The following PTAFR variants were observed in gnomAD, a reference collection of about 807,000 sequenced individuals.
The protein encoded by PTAFR is platelet-activating factor receptor.
A neutral mutation model predicts 14.7 loss-of-function variants in PTAFR; 8 were observed. The ratio of observed to expected loss-of-function variants is 0.54; its 90% CI spans 0.32 to 0.98. The LOEUF is 0.98. Ranked by LOEUF, PTAFR falls within the 50% of genes least tolerant of loss-of-function variation. PTAFR has a pLI of 0.04. For synonymous variants in PTAFR, 156 were observed against 176.5 expected (o/e 0.88, Z 0.92); for missense variants, 337 against 451.2 (o/e 0.75, Z 2.29).
At chr1:28,180,052 T>C (rs1159320612), upstream of PTAFR, among the ~76,000 whole-genome samples, 1 of 152,136 alleles carries the variant, frequency 6.6e-6, no homozygotes, top group African/African-American at 2.4e-5. Flanking sequence ...CTCATGCCTG[T>C]AATCCCAACA....
rs538729535 is a variant in PTAFR at position 28,192,706 on chromosome 1, G to A, written c.-39+1016C>T. Among the ~76,000 whole-genome samples the A allele has an allele frequency of 6.6e-5, 10 of 151,854 alleles. No individual in the cohort carries two copies. In the East Asian group the frequency reaches 1.7e-3, roughly 27 times the overall value. On this transcript the variant is annotated intron_variant, in intron 1 of 1. Coordinates refer to the PTAFR transcript ENST00000305392. ...TCTGTGCCCAGGCTGGAGTGCAGTG[G>A]TGGGATCTCAGCTCACCGTAACCTC...
chr1:28,149,525 G>C lies in PTAFR; in HGVS notation c.*468C>G, dbSNP rs575149758. ...ATTTTTGTATGTTTTAGTAGAGATG[G>C]GGTTTTACAATGTTGGCCAGGATGG... On this transcript the variant is annotated 3_prime_UTR_variant, in exon 2 of 2. Transcript: ENST00000373857. 14 of 161,376 alleles carry C rather than the reference G, an allele frequency of 8.7e-5. No homozygotes were observed. Among genetic ancestry groups the C allele is most frequent in the African/African-American group, 2.9e-4 (12 of 41,520 alleles). The allele number at this position is 161,376 out of a possible 1,614,324, so 10.0% of individuals were successfully genotyped here. A position where few individuals can be genotyped will look rare whatever the true frequency, so the allele number is the denominator to read the frequency against.
chr1:28,159,020 C>T (rs1403814292), intron 1 of PTAFR, among the ~76,000 whole-genome samples: 2 of 152,108 alleles, frequency 1.3e-5, no homozygotes, highest in Non-Finnish European at 2.9e-5. Flanking sequence ...AATTTGGTAA[C>T]GGATGGGATA....
chr1:28,186,439 C>G (rs1423020673), intron 1 of PTAFR, among the ~76,000 whole-genome samples: 1 of 152,084 alleles, frequency 6.6e-6, no homozygotes, highest in Non-Finnish European at 1.5e-5. Flanking sequence ...AAATTCAGAA[C>G]CAGTACAATC....
At chr1:28,186,166 G>C (rs1646604618) in intron 1 of PTAFR, among the ~76,000 whole-genome samples, 1 of 151,990 alleles carries the variant, frequency 6.6e-6, no homozygotes, top group African/African-American at 2.4e-5. Flanking sequence ...GTTTTGTTTA[G>C]TAGAGACAGG....
rs141522388 is a variant in PTAFR at position 28,163,443 on chromosome 1, G to A, written c.-38-12384C>T. Among the ~76,000 whole-genome samples the A allele has an allele frequency of 1.9e-3, 287 of 152,174 alleles. 1 individual carries two copies. The highest frequency in any genetic ancestry group is 6.6e-3 in the African/African-American group (275 of 41,494). ...CCCTGATGATGGCTCCGAAATCCCC[G>A]GCACAAAGGAAGTGTGCACAGTCTC... On this transcript the variant is annotated intron_variant, in intron 1 of 1. Transcript: ENST00000373857.
At chr1:28,185,140 C>T (rs758680161) in intron 1 of PTAFR, among the ~76,000 whole-genome samples, 1 of 152,166 alleles carries the variant, frequency 6.6e-6, no homozygotes, top group Non-Finnish European at 1.5e-5. Context: ...TCTAATACAA[C>T]ATGTATTTTA....
chr1:28,168,546 A>AT (rs1179939783), intron 1 of PTAFR, among the ~76,000 whole-genome samples: 1 of 152,216 alleles, frequency 6.6e-6, no homozygotes, highest in Non-Finnish European at 1.5e-5. Context: ...TATATGAGAC[A>AT]TTTAAAGTAA....
At chr1:28,187,990 C>CA (rs1383831697) in intron 1 of PTAFR, among the ~76,000 whole-genome samples, 1 of 148,316 alleles carries the variant, frequency 6.7e-6, no homozygotes, top group Non-Finnish European at 1.5e-5. Flanking sequence ...CCAGCCTGGG[C>CA]AACATAGCAA....
At chr1:28,151,955 C>T (rs1192950578) in intron 1 of PTAFR, among the ~76,000 whole-genome samples, 2 of 152,032 alleles carry the variant, frequency 1.3e-5, no homozygotes, top group African/African-American at 4.8e-5. Flanking sequence ...TGCAGTGGTG[C>T]GATCACAGCT....
chr1:28,185,043 T>C (rs1646595166), intron 1 of PTAFR, among the ~76,000 whole-genome samples: 1 of 152,188 alleles, frequency 6.6e-6, no homozygotes, highest in Non-Finnish European at 1.5e-5. Flanking sequence ...AGTGGGGCCT[T>C]TCCTGACCAC....
rs1169653900 is a variant in PTAFR at position 28,160,864 on chromosome 1, T to C, written c.-38-9805A>G. On this transcript the variant is annotated intron_variant, in intron 1 of 1. Transcript: ENST00000373857. ...CTCTTCCTACTTCTGCTGCCTTCTG[T>C]TCAATCCCAGGCTCCTGGCCCCCAT... Among the ~76,000 whole-genome samples the C allele has an allele frequency of 2.0e-5, 3 of 152,122 alleles. No homozygotes were observed. In the East Asian group the frequency reaches 5.8e-4, roughly 29 times the overall value.
chr1:28,154,071 C>A (rs181333382), intron 1 of PTAFR, among the ~76,000 whole-genome samples: 135 of 114,184 alleles, frequency 1.2e-3, no homozygotes, highest in Admixed American at 3.1e-3. Flanking sequence ...TGGGATGAGA[C>A]CTTGTCTCAG....
chr1:28,154,409 T>C (rs1363687842), intron 1 of PTAFR, among the ~76,000 whole-genome samples: 3 of 152,014 alleles, frequency 2.0e-5, no homozygotes, highest in Non-Finnish European at 4.4e-5. Context: ...GCACAGGAGC[T>C]ATAGGGCGAA....
chr1:28,172,270 C>T (rs969652477), intron 1 of PTAFR, among the ~76,000 whole-genome samples: 13 of 152,324 alleles, frequency 8.5e-5, no homozygotes, highest in African/African-American at 3.1e-4. Context: ...CCCACCTCAA[C>T]ATCCCAAAGT....
At chr1:28,155,485 G>A (rs1017797951) in intron 1 of PTAFR, among the ~76,000 whole-genome samples, 2 of 152,162 alleles carry the variant, frequency 1.3e-5, no homozygotes, top group African/African-American at 4.8e-5. Flanking sequence ...TGGGATTACA[G>A]GCGTGAGCCA....
In PTAFR at chr1:28,150,227, G is replaced by A. The variant is rs1008447553; in HGVS notation, c.795C>T (p.Ser265=). 119 of 1,613,550 alleles carry A rather than the reference G, an allele frequency of 7.4e-5. No homozygotes were observed. Among genetic ancestry groups the A allele is most frequent in the Non-Finnish European group, 9.7e-5 (115 of 1,179,644 alleles). Residue 265 remains serine, a synonymous_variant, in exon 2 of 2, where the codon AGC becomes AGT. Transcript: ENST00000373857. The surrounding 1 kb of genome is among the most constrained non-coding windows in gnomAD (Gnocchi z 6.3). ...WTLAELGFQD[S]KFHQAINDAH... ...CATCATTAATGGCCTGGTGGAATTT[G>A]CTGTCCTGGAAGCCCAGCTCAGCAA...
chr1:28,167,633 ATTTTTTTTTTTT>A lies in PTAFR; in HGVS notation c.-39+8947_-39+8958del, dbSNP rs780344665. Among the ~76,000 whole-genome samples, 16 of 80,252 alleles carry A rather than the reference ATTTTTTTTTTTT, an allele frequency of 2.0e-4. 1 individual carries two copies. The highest frequency in any genetic ancestry group is 4.1e-4 in the East Asian group (1 of 2,440). The allele number at this position is 80,252 out of a possible 152,430, so 52.6% of individuals were successfully genotyped here. A position where few individuals can be genotyped will look rare whatever the true frequency, so the allele number is the denominator to read the frequency against. Reference sequence around the variant, plus strand: ...TATATTCAAAAGAACTGAAAACGGGATTTTTTTTTTTTTTTTTTTTTTTTTTTTTTGAGATGG... The same window carrying A: ...TATATTCAAAAGAACTGAAAACGGGATTTTTTTTTTTTTTTTTTGAGATGG... On this transcript the variant is annotated intron_variant, in intron 1 of 1. Coordinates refer to ENST00000373857, the MANE Select transcript of PTAFR (RefSeq NM_000952.5).
At chr1:28,161,015 C>T (rs1646317125) in intron 1 of PTAFR, among the ~76,000 whole-genome samples, 1 of 152,194 alleles carries the variant, frequency 6.6e-6, no homozygotes, top group Non-Finnish European at 1.5e-5. Context: ...AGAGCTTGCA[C>T]TTTCATTACT....
Sources: gnomAD v4.1 joint callset for allele counts (sites outside exome capture counted in the v4.1 genomes callset) on GRCh38, gnomAD v4.1.1 for gene constraint, Gnocchi (gnomAD v3.1) non-coding constraint, MANE v1.5 for transcripts, NCBI Gene and HGNC (gene_info 2026-07-23, HGNC 2026-07-21) for gene names.